Variants in MIPOL1 observed in about 807,000 individuals in gnomAD.
MIPOL1 encodes the protein mirror-image polydactyly gene 1 protein.
A neutral mutation model predicts 60.9 loss-of-function variants in MIPOL1; 57 were observed. The observed-to-expected ratio is 0.94, with a 90% confidence interval of 0.76 to 1.17. The LOEUF (loss-of-function observed/expected upper bound fraction) is 1.17, where lower values mean the gene tolerates loss of function less well. Ranked by LOEUF, MIPOL1 falls within the 50% of genes most tolerant of loss-of-function variation. MIPOL1 has a pLI of 0.00. For synonymous variants in MIPOL1, 179 were observed against 168.8 expected (o/e 1.06, Z -0.47); for missense variants, 551 against 511.6 (o/e 1.08, Z -0.74).
rs576299716 is a variant in MIPOL1 at position 37,449,842 on chromosome 14, T to A, written c.1031+26893T>A. Among the ~76,000 whole-genome samples the A allele has an allele frequency of 4.6e-5, 7 of 152,194 alleles. No individual in the cohort carries two copies. The East Asian group carries it at 1.4e-3, about 29-fold the overall frequency. ...TAATTTATTTTTTTGAGACAGAGTG[T>A]CACTCTGTTGCCCAGGCTGGAGTGC... On this transcript the variant is annotated intron_variant, in intron 11 of 12. Coordinates refer to ENST00000684589, the MANE Select transcript of MIPOL1 (RefSeq NM_001388067.1).
intron 3 of MIPOL1, among the ~76,000 whole-genome samples, chr14:37,259,708 A>C (rs1475161706): frequency 1.3e-5 from 2 of 152,170 alleles, no homozygotes; most frequent in South Asian, 4.1e-4. Context: ...AAAAGAATGT[A>C]AATTTCTCAA....
chr14:37,269,856 T>G (rs1956518), intron 5 of MIPOL1, among the ~76,000 whole-genome samples: 127,481 of 152,116 alleles, frequency 0.84, 57,407 homozygotes, highest in East Asian at 1. Flanking sequence ...AGATGGAGTT[T>G]CACTCTTGTT....
intron 9 of MIPOL1, among the ~76,000 whole-genome samples, chr14:37,342,235 GC>G (rs1267172239): frequency 6.6e-6 from 1 of 151,668 alleles, no homozygotes; most frequent in South Asian, 2.1e-4. Flanking sequence ...GGTGGTGTGT[GC>G]CCCCCAGCTA....
At chr14:37,227,891 A>G (rs751959707) in intron 1 of MIPOL1, 1 of 152,188 alleles carries the variant, frequency 6.6e-6, no homozygotes, top group Non-Finnish European at 1.5e-5. Context: ...TTTGTCTACA[A>G]TTCAAGTGAC....
intron 1 of MIPOL1, among the ~76,000 whole-genome samples, chr14:37,200,509 G>A (rs1165151688): frequency 6.6e-6 from 1 of 152,098 alleles, no homozygotes; most frequent in African/African-American, 2.4e-5. Context: ...TATTTGATTG[G>A]TAACAGTGGA....
chr14:37,394,269 T>TA (rs1223517456), intron 10 of MIPOL1, among the ~76,000 whole-genome samples: 1 of 151,664 alleles, frequency 6.6e-6, no homozygotes, highest in Non-Finnish European at 1.5e-5. Flanking sequence ...TTTCTCTGCA[T>TA]AGATACCCAG....
At chr14:37,410,751 A>C (rs2093668189) in intron 10 of MIPOL1, among the ~76,000 whole-genome samples, 1 of 152,170 alleles carries the variant, frequency 6.6e-6, no homozygotes. Context: ...CAAGAGTATT[A>C]ATATTAAATT....
chr14:37,312,501 A>G (rs891729859), intron 9 of MIPOL1, among the ~76,000 whole-genome samples: 2 of 152,154 alleles, frequency 1.3e-5, no homozygotes, highest in Non-Finnish European at 2.9e-5. Flanking sequence ...CCATATAGAT[A>G]TTAAAAATTT....
intron 10 of MIPOL1, among the ~76,000 whole-genome samples, chr14:37,414,052 T>C (rs1232903375): frequency 6.6e-6 from 1 of 152,186 alleles, no homozygotes; most frequent in Non-Finnish European, 1.5e-5. Flanking sequence ...TTTAAAGTTC[T>C]TTTTTGTTTT....
chr14:37,280,464 C>T (rs7141866), intron 6 of MIPOL1, among the ~76,000 whole-genome samples: 3,111 of 152,274 alleles, frequency 0.02, 105 homozygotes, highest in African/African-American at 0.07. Flanking sequence ...CTTTTCTCCA[C>T]ATCCACACCA....
At chr14:37,401,708 GTAT>G (rs1203751216) in intron 10 of MIPOL1, 1 of 152,010 alleles carries the variant, frequency 6.6e-6, no homozygotes, top group African/African-American at 2.4e-5. Flanking sequence ...ACTTGAAGAA[GTAT>G]TATAGCTAAA....
intron 1 of MIPOL1, among the ~76,000 whole-genome samples, chr14:37,199,217 C>G (rs1211720270): frequency 1.3e-5 from 2 of 152,168 alleles, no homozygotes; most frequent in Non-Finnish European, 2.9e-5. Context: ...TATCCAGTAT[C>G]TAGATCAGGA....
At chr14:37,526,673 A>G (rs2095449678) in intron 12 of MIPOL1, among the ~76,000 whole-genome samples, 1 of 150,928 alleles carries the variant, frequency 6.6e-6, no homozygotes, top group Admixed American at 6.6e-5. Flanking sequence ...GAGCCACCGC[A>G]CCTGGCCTGG....
At position 37,500,115 on chromosome 14, in the gene MIPOL1, A is replaced by G. The variant is rs200421961; in HGVS notation, c.1239A>G (p.Gln413=). The G allele has an allele frequency of 1.3e-5, 21 of 1,607,820 alleles. No individual in the cohort carries two copies. The East Asian group carries it at 4.7e-4, about 36-fold the overall frequency. The change falls in exon 12 of 13, where the codon CAA becomes CAG. Residue 413 remains glutamine (Q), a synonymous_variant. Coordinates refer to ENST00000684589, the MANE Select transcript of MIPOL1 (RefSeq NM_001388067.1). ...TTCAACATGCCAGAGAGGCCTCCCA[A>G]GTGGCCAATGAAAAAGTTCAAAAGT... ...LQLQHAREAS[Q]VANEKVQKLE...
intron 11 of MIPOL1, among the ~76,000 whole-genome samples, chr14:37,454,538 G>A (rs1470250510): frequency 6.6e-6 from 1 of 152,188 alleles, no homozygotes; most frequent in Non-Finnish European, 1.5e-5. Context: ...CAAAGTCATA[G>A]TGATATTGAA....
At chr14:37,214,253 G>A (rs1967200649) in intron 1 of MIPOL1, among the ~76,000 whole-genome samples, 1 of 152,126 alleles carries the variant, frequency 6.6e-6, no homozygotes, top group South Asian at 2.1e-4. Context: ...CAACAAAAAA[G>A]TAGTAACTTC....
intron 10 of MIPOL1, among the ~76,000 whole-genome samples, chr14:37,416,775 C>T (rs749853015): frequency 1.3e-5 from 2 of 152,218 alleles, no homozygotes; most frequent in South Asian, 4.1e-4. Context: ...ACAGCAAGAC[C>T]TCTCAGGGAC....
intron 1 of MIPOL1, among the ~76,000 whole-genome samples, chr14:37,214,836 T>G (rs920644967): frequency 6.6e-6 from 1 of 151,980 alleles, no homozygotes; most frequent in African/African-American, 2.4e-5. Context: ...GTAGCATCAG[T>G]GCCAAGGAAA....
At chr14:37,272,762 C>A (rs2083385045) in intron 6 of MIPOL1, among the ~76,000 whole-genome samples, 1 of 151,360 alleles carries the variant, frequency 6.6e-6, no homozygotes, top group African/African-American at 2.4e-5. Context: ...GTGTATTTGG[C>A]AAAATATGTT....
Sources: allele counts gnomAD v4.1 joint callset (sites outside exome capture counted in the v4.1 genomes callset), GRCh38; gene constraint gnomAD v4.1.1; transcripts MANE v1.5; gene names NCBI Gene and HGNC (gene_info 2026-07-23, HGNC 2026-07-21).